Variants in NALCN observed in about 807,000 individuals in gnomAD.
The protein encoded by NALCN is sodium leak channel, non-selective, also known as sodium leak channel NALCN.
Under a neutral mutation model 225.3 loss-of-function variants are expected in NALCN, and 111 were observed. The ratio of observed to expected loss-of-function variants is 0.49; its 90% CI spans 0.42 to 0.58. The LOEUF (loss-of-function observed/expected upper bound fraction) is 0.58. Among genes scored for constraint, NALCN ranks in the 20% least tolerant of loss-of-function variants. The pLI is 0.00. For missense variants in NALCN, 1,378 were observed against 2,202.4 expected, an observed-to-expected ratio of 0.63 and a Z score of 7.49; for synonymous variants, 764 against 769.0, an observed-to-expected ratio of 0.99 and a Z score of 0.11.
intron 15 of NALCN, among the ~76,000 whole-genome samples, chr13:101,163,444 C>T (rs542227782): frequency 1.3e-5 from 2 of 152,244 alleles, no homozygotes; most frequent in African/African-American, 4.8e-5. Flanking sequence ...AAACAATGTC[C>T]TTCTGGTTTG....
intron 13 of NALCN, among the ~76,000 whole-genome samples, chr13:101,196,200 C>T (rs548453722): frequency 1.3e-5 from 2 of 152,012 alleles, no homozygotes; most frequent in Non-Finnish European, 2.9e-5. Flanking sequence ...TTTGTTTTTG[C>T]TGAGATTTTC....
chr13:101,125,351 T>A (rs1375430807), intron 17 of NALCN, among the ~76,000 whole-genome samples: 3 of 152,108 alleles, frequency 2.0e-5, no homozygotes, highest in Non-Finnish European at 4.4e-5. Flanking sequence ...TATGTTCTCA[T>A]AATAATAAAT....
intron 15 of NALCN, among the ~76,000 whole-genome samples, chr13:101,165,430 A>G (rs889734341): frequency 3.9e-5 from 6 of 152,218 alleles, no homozygotes; most frequent in Non-Finnish European, 8.8e-5. Flanking sequence ...TAATTGTGGT[A>G]AAAAACATAC....
At chr13:101,146,765 T>C (rs528508491) in intron 15 of NALCN, among the ~76,000 whole-genome samples, 36 of 152,226 alleles carry the variant, frequency 2.4e-4, no homozygotes, top group African/African-American at 8.2e-4. Flanking sequence ...TGTGCTAAGC[T>C]CAGGGGATAT....
At position 101,110,646 on chromosome 13, in the gene NALCN, T is replaced by C; in HGVS notation, c.2337A>G (p.Gly779=). The change falls in exon 20 of 44, where the codon GGA becomes GGG. Residue 779 remains glycine, a synonymous_variant. Coordinates refer to ENST00000251127, the MANE Select transcript of NALCN (RefSeq NM_052867.4). ...CTTGAGTCAAAGTTTCAAGAGATTT[T>C]CCCCTGCTGATCCTCTGGCTGTTTG... ...HGSNSQRISR[G]KSLETLTQDH... 6.2e-7 allele frequency: 1 copy of C among 1,614,060 alleles called. No individual in the cohort carries two copies. Among genetic ancestry groups the C allele is most frequent in the Non-Finnish European group, 8.5e-7 (1 of 1,179,962 alleles).
intron 13 of NALCN, 34 bp downstream of exon 13, chr13:101,229,359 T>C: frequency 6.8e-7 from 1 of 1,478,636 alleles, no homozygotes; most frequent in Non-Finnish European, 9.0e-7. Flanking sequence ...ATAAGAACAA[T>C]GAATTTAACT....
intron 14 of NALCN, among the ~76,000 whole-genome samples, chr13:101,177,083 G>T (rs2038987245): frequency 6.6e-6 from 1 of 152,156 alleles, no homozygotes. Context: ...CAGCCCTCTG[G>T]AGAGGTCCAT....
chr13:101,199,895 C>T (rs2140035474), intron 13 of NALCN, among the ~76,000 whole-genome samples: 1 of 152,220 alleles, frequency 6.6e-6, no homozygotes, highest in East Asian at 1.9e-4. Flanking sequence ...AGAGCCAGAG[C>T]ACTGCACTAC....
intron 34 of NALCN, among the ~76,000 whole-genome samples, chr13:101,078,840 C>G (rs973564692): frequency 1.3e-5 from 2 of 152,142 alleles, no homozygotes; most frequent in African/African-American, 4.8e-5. Context: ...TGTGTCCCCA[C>G]CCAAATCTCA....
Position 101,065,572 on chromosome 13 carries a change from GA to G in NALCN, c.4447-12del. On this transcript the variant is annotated splice_polypyrimidine_tract_variant and intron_variant, in intron 39 of 43. Coordinates refer to ENST00000251127, the MANE Select transcript of NALCN (RefSeq NM_052867.4). Reference sequence around the variant, plus strand: ...CGTGGGGATCACCCCCTGCGGGGCAGAGCACAAGAAGTAGCAAATCATCAGG... The same window carrying G: ...CGTGGGGATCACCCCCTGCGGGGCAGGCACAAGAAGTAGCAAATCATCAGG... The G allele has an allele frequency of 6.2e-7, 1 of 1,612,662 alleles. No homozygotes were observed. Among genetic ancestry groups the G allele is most frequent in the Non-Finnish European group, 8.5e-7 (1 of 1,179,742 alleles).
rs141516435 is a variant in NALCN at position 101,160,205 on chromosome 13, T to C, written c.1840-15309A>G. 4.3e-3 allele frequency among the ~76,000 whole-genome samples: 651 copies of C among 152,304 alleles called. 3 individuals are homozygous for C. The highest frequency in any genetic ancestry group is 0.011 in the African/African-American group (463 of 41,574). On this transcript the variant is annotated intron_variant, in intron 15 of 43. Coordinates refer to ENST00000251127, the MANE Select transcript of NALCN (RefSeq NM_052867.4). The stretch of plus-strand genomic sequence containing the variant: ...TCCTGACCTTGTGATCTGCCCGCCT[T>C]GGCCTCCCAAAGGAGAGAGAAGTTT...
chr13:101,080,943 C>T (rs1039053360), intron 34 of NALCN, among the ~76,000 whole-genome samples: 3 of 151,918 alleles, frequency 2.0e-5, no homozygotes, highest in Non-Finnish European at 2.9e-5. Flanking sequence ...AGTGGGATCT[C>T]AGACTGAATG....
At chr13:101,107,377 T>C in intron 22 of NALCN, 110 bp downstream of exon 22, 1 of 1,551,270 alleles carries the variant, frequency 6.4e-7, no homozygotes, top group Non-Finnish European at 8.8e-7. Context: ...TAGTCCGCAG[T>C]TTATTTTGTG....
intron 7 of NALCN, among the ~76,000 whole-genome samples, chr13:101,317,128 G>A (rs1169867922): frequency 6.6e-6 from 1 of 151,974 alleles, no homozygotes; most frequent in Admixed American, 6.6e-5. Flanking sequence ...GGATTAAATG[G>A]CTATTTCCTG....
chr13:101,218,138 G>GT (rs35309775), intron 13 of NALCN, among the ~76,000 whole-genome samples: 39,035 of 152,050 alleles, frequency 0.26, 5,298 homozygotes, highest in East Asian at 0.37. Context: ...GATAGAAAAG[G>GT]TTTCCTGGTC....
At position 101,091,643 on chromosome 13, in the gene NALCN, C is replaced by A. The variant is rs115317152; in HGVS notation, c.3270-1677G>T. ...CAATCTTTCCTTTGGGATGTTTCCA[C>A]TAAATTTCATATATTTTACAGTAGA... On this transcript the variant is annotated intron_variant, in intron 28 of 43. Transcript: ENST00000251127. Among the ~76,000 whole-genome samples, 1,142 of 152,242 alleles carry A rather than the reference C, an allele frequency of 7.5e-3. 16 individuals carry two copies. The highest frequency in any genetic ancestry group is 0.025 in the African/African-American group (1,034 of 41,544).
intron 18 of NALCN, chr13:101,116,337 C>A (rs11619100): frequency 8.6e-6 from 2 of 232,290 alleles, no homozygotes; most frequent in East Asian, 1.7e-4. Flanking sequence ...TATATATAAT[C>A]TTTTATGGAC....
chr13:101,384,042 CA>C (rs1381733610), intron 3 of NALCN, among the ~76,000 whole-genome samples: 1 of 152,110 alleles, frequency 6.6e-6, no homozygotes, highest in African/African-American at 2.4e-5. Context: ...GCACATTTAT[CA>C]AATTATCGTC....
intron 1 of NALCN, among the ~76,000 whole-genome samples, chr13:101,412,276 T>C (rs2139562174): frequency 6.6e-6 from 1 of 152,372 alleles, no homozygotes; most frequent in African/African-American, 2.4e-5. Context: ...TATTGGTGTG[T>C]CTCTGTTGGC....
Sources: allele counts gnomAD v4.1 joint callset (sites outside exome capture counted in the v4.1 genomes callset), GRCh38; gene constraint gnomAD v4.1.1; transcripts MANE v1.5; gene names NCBI Gene and HGNC (gene_info 2026-07-23, HGNC 2026-07-21).